The following BEST4 variants were observed in gnomAD, a reference collection of about 807,000 sequenced individuals.
The protein encoded by BEST4 is bestrophin-4.
BEST4 carries 36 observed loss-of-function variants against 47.1 expected under a neutral mutation model. The observed-to-expected ratio is 0.76, with a 90% CI of 0.59 to 1.01. The LOEUF is 1.01. Ranked by LOEUF, BEST4 falls within the 50% of genes least tolerant of loss-of-function variation. The pLI, the probability that BEST4 is intolerant of heterozygous loss-of-function variation, is 0.00. For synonymous variants in BEST4, 250 were observed against 277.8 expected, an observed-to-expected ratio of 0.90 and a Z score of 1.00; for missense variants, 550 against 648.6, an observed-to-expected ratio of 0.85 and a Z score of 1.65.
At position 44,787,812 on chromosome 1, in the gene BEST4, A is replaced by T; in HGVS notation, c.-107T>A. Reference sequence around the variant, plus strand: ...TCTGGTCTCACACACCCCAGCCTTCACCCTGCGTCAGTGGACAAGGGGGTA... The same window carrying T: ...TCTGGTCTCACACACCCCAGCCTTCTCCCTGCGTCAGTGGACAAGGGGGTA... On this transcript the variant is annotated 5_prime_UTR_variant, in exon 1 of 9. Transcript: ENST00000372207. 1 of 1,368,644 alleles carries T rather than the reference A, an allele frequency of 7.3e-7. No individual in the cohort carries two copies. The allele number at this position is 1,368,644 out of a possible 1,614,324, so 84.8% of individuals were successfully genotyped here. A position where few individuals can be genotyped will look rare whatever the true frequency, so the allele number is the denominator to read the frequency against.
chr1:44,786,608 A>G lies in BEST4; in HGVS notation c.336T>C (p.Ala112=). 6.4e-7 allele frequency: 1 copy of G among 1,551,356 alleles called. No homozygotes were observed. Among genetic ancestry groups the G allele is most frequent in the East Asian group, 2.4e-5 (1 of 40,926 alleles). Residue 112 remains alanine, a synonymous_variant, in exon 3 of 9, where the codon GCT becomes GCC. Transcript: ENST00000372207. The surrounding 1 kb of genome is among the most constrained non-coding windows in gnomAD (Gnocchi z 4.9). ...LPDQLMCVIS[A]SVHGVDQRGR... ...CCCGCTGGTCCACGCCGTGCACGCT[A>G]GCCGAGATGACGCACATCAGCTGGT...
upstream of BEST4, among the ~76,000 whole-genome samples, chr1:44,789,295 A>C (rs1651348506): frequency 6.7e-6 from 1 of 148,504 alleles, no homozygotes; most frequent in Non-Finnish European, 1.5e-5. Context: ...AAAAAGAAAT[A>C]GAATCTCAAT....
Position 44,786,487 on chromosome 1 carries a change from TG to T in BEST4, c.456del (p.Thr153ProfsTer22). 1 of 1,537,208 alleles carries T rather than the reference TG, an allele frequency of 6.5e-7. No homozygotes were observed. ...CCTGCGTCCACCACGTGCTCCATGG[TG>T]GGGAAGCGCTTAAGCACGCGGGTGC... ...SVSTRVLKRFPTMEHVVDAGF... is the reference protein window; with the variant it reads ...SVSTRVLKRFXTMEHVVDAGF... On this transcript the variant is annotated frameshift_variant, in exon 3 of 9. Transcript: ENST00000372207. LOFTEE classifies it high-confidence loss of function. The surrounding 1 kb of genome is among the most constrained non-coding windows in gnomAD (Gnocchi z 4.9).
chr1:44,784,759 T>G lies in BEST4; in HGVS notation c.1018A>C (p.Met340Leu). The change falls in exon 8 of 9, where the codon ATG (methionine) becomes CTG (leucine). Residue 340 changes from methionine (M) to leucine (L), a missense_variant. Met to Leu is a conservative substitution (Grantham distance 15). Coordinates refer to ENST00000372207, the MANE Select transcript of BEST4 (RefSeq NM_153274.3). This position sits in a 1 kb window ranked among gnomAD's most constrained non-coding sequence, Gnocchi z 6.2. Reference protein sequence around the residue: ...LQVSLLSVDEMYQNLPPAEKD... With the variant: ...LQVSLLSVDELYQNLPPAEKD... ...TCAGCGGGGGGAAGGTTCTGGTACA[T>G]TTCGTCCACGGATAGCAGGGACACC... The G allele has an allele frequency of 6.3e-7, 1 of 1,597,190 alleles. No homozygotes were observed. Among genetic ancestry groups the G allele is most frequent in the Non-Finnish European group, 8.5e-7 (1 of 1,170,810 alleles).
At chr1:44,788,770 G>T (rs571773631), upstream of BEST4, among the ~76,000 whole-genome samples, 7 of 152,308 alleles carry the variant, frequency 4.6e-5, no homozygotes, top group East Asian at 1.3e-3. Context: ...TTGTACAGGG[G>T]CTTGGGGGCT....
At chr1:44,792,509 G>A (rs1461884855), upstream of BEST4, among the ~76,000 whole-genome samples, 3 of 151,922 alleles carry the variant, frequency 2.0e-5, no homozygotes, top group Non-Finnish European at 2.9e-5. Flanking sequence ...TATTAGGTGA[G>A]TTAATAGTAT....
At chr1:44,785,990 T>G in intron 4 of BEST4, 84 bp downstream of exon 4, 8 of 1,491,994 alleles carry the variant, frequency 5.4e-6, no homozygotes, top group Non-Finnish European at 7.2e-6. Context: ...GCTGATGCCA[T>G]ACAACTGTTA....
downstream of BEST4, among the ~76,000 whole-genome samples, chr1:44,782,669 T>TA (rs1324751282): frequency 7.2e-6 from 1 of 138,054 alleles, no homozygotes; most frequent in Non-Finnish European, 1.6e-5. Context: ...AATAAATAAA[T>TA]AAGAAATATT....
rs1490012105 is a variant in BEST4 at position 44,783,584 on chromosome 1, CTT to C, written c.*624_*625del. 2 of 152,184 alleles carry C rather than the reference CTT, an allele frequency of 1.3e-5. No individual in the cohort carries two copies. Among genetic ancestry groups the C allele is most frequent in the African/African-American group, 2.4e-5 (1 of 41,426 alleles). 9.4% of individuals were successfully genotyped at this position (152,184 alleles called of 1,614,324 possible). A position where few individuals can be genotyped will look rare whatever the true frequency, so the allele number is the denominator to read the frequency against. On this transcript the variant is annotated 3_prime_UTR_variant, in exon 9 of 9. Transcript: ENST00000372207. ...CAATATAAACAAAAACTAAACAACA[CTT>C]AAACAAAAACTTGAATATATTCTCA...
chr1:44,792,738 G>C (rs1416384218), upstream of BEST4, among the ~76,000 whole-genome samples: 1 of 152,046 alleles, frequency 6.6e-6, no homozygotes, highest in African/African-American at 2.4e-5. Flanking sequence ...TGACACTCAA[G>C]AGATTCTGGC....
chr1:44,784,474 G>T lies in BEST4; in HGVS notation c.1158C>A (p.Asp386Glu). ...LGSTFNLRMS[D>E]DPEQSLQVEA... ...CCACCTGCAGGCTCTGCTCAGGGTC[G>T]TCGCTCATGCTGCGGGCGGGAGGGC... The change falls in exon 9 of 9, where the codon GAC (aspartate) becomes GAA (glutamate). Residue 386 changes from aspartate to glutamate, a missense_variant. Asp to Glu is a conservative substitution (Grantham distance 45, BLOSUM62 2). Coordinates refer to ENST00000372207, the MANE Select transcript of BEST4 (RefSeq NM_153274.3). The surrounding 1 kb of genome is among the most constrained non-coding windows in gnomAD (Gnocchi z 6.2). The T allele has an allele frequency of 6.8e-7, 1 of 1,460,950 alleles. No individual in the cohort carries two copies. Among genetic ancestry groups the T allele is most frequent in the Non-Finnish European group, 9.0e-7 (1 of 1,111,672 alleles). 90.5% of individuals were successfully genotyped at this position (1,460,950 alleles called of 1,614,324 possible). A position where few individuals can be genotyped will look rare whatever the true frequency, so the allele number is the denominator to read the frequency against.
rs1274621957 is a variant in BEST4, at chr1:44,787,828, C to CA, written c.-124dup. 8.2e-7 allele frequency: 1 copy of CA among 1,217,252 alleles called. No homozygotes were observed. The highest frequency in any genetic ancestry group is 2.4e-5 in the East Asian group (1 of 40,868). The allele number at this position is 1,217,252 out of a possible 1,614,324, so 75.4% of individuals were successfully genotyped here. On this transcript the variant is annotated 5_prime_UTR_variant, in exon 1 of 9. It removes the in-frame stop codon of an upstream open reading frame in the 5' UTR. Transcript: ENST00000372207. The stretch of plus-strand genomic sequence containing the variant: ...CCAGCCTTCACCCTGCGTCAGTGGA[C>CA]AAGGGGGTAGGAGCCTGCAGAGCAG...
chr1:44,785,500 T>C (rs1651186602), intron 5 of BEST4, 99 bp downstream of exon 5: 1 of 1,310,374 alleles, frequency 7.6e-7, no homozygotes, highest in Admixed American at 2.1e-5. Flanking sequence ...CTCAGGGGAC[T>C]GAAATGGCCA....
upstream of BEST4, among the ~76,000 whole-genome samples, chr1:44,789,638 C>T (rs946164718): frequency 2.0e-5 from 3 of 151,902 alleles, no homozygotes; most frequent in Admixed American, 6.6e-5. Context: ...GTGGAGATTG[C>T]GGTGAGCCGA....
At chr1:44,782,586 G>GGCCATTGC (rs1651072495), downstream of BEST4, among the ~76,000 whole-genome samples, 1 of 151,996 alleles carries the variant, frequency 6.6e-6, no homozygotes, top group Admixed American at 6.6e-5. Context: ...GCCGAGATCA[G>GGCCATTGC]GCCATTGCAC....
intron 5 of BEST4, 102 bp downstream of exon 5, chr1:44,785,497 G>T: frequency 7.8e-7 from 1 of 1,279,210 alleles, no homozygotes; most frequent in Non-Finnish European, 1.1e-6. Flanking sequence ...TGCCTCAGGG[G>T]ACTGAAATGG....
rs1651161039 is a variant in BEST4, at chr1:44,784,801, T to A, written c.994-18A>T. 6.3e-7 allele frequency: 1 copy of A among 1,593,478 alleles called. No homozygotes were observed. On this transcript the variant is annotated intron_variant, in intron 7 of 8. Transcript: ENST00000372207. This position sits in a 1 kb window ranked among gnomAD's most constrained non-coding sequence, Gnocchi z 6.2. ...AGGGACACCTGGGCCACCAGCAAGT[T>A]ACAAGGATCCTCCTCTCCTCTCCTT... is the stretch of plus-strand genomic sequence containing the variant.
At chr1:44,783,014 G>C (rs1016876828), downstream of BEST4, among the ~76,000 whole-genome samples, 3 of 151,666 alleles carry the variant, frequency 2.0e-5, no homozygotes, top group African/African-American at 7.3e-5. Flanking sequence ...GAGTGCAGTA[G>C]AGTGATCTTG....
Position 44,787,574 on chromosome 1 carries a change from A to T in BEST4, c.132T>A (p.Ala44=). ...KEFLLFGALY[A]VLSITYRLLL... ...CTTACCGGTAGGTGATGCTAAGCAC[A>T]GCGTACAAGGCCCCAAAGAGGAGGA... The change falls in exon 1 of 9, where the codon GCT becomes GCA. Residue 44 remains alanine (A), a synonymous_variant. Coordinates refer to ENST00000372207, the MANE Select transcript of BEST4 (RefSeq NM_153274.3). 1 of 1,614,218 alleles carries T rather than the reference A, an allele frequency of 6.2e-7. No homozygotes were observed. Among genetic ancestry groups the T allele is most frequent in the Non-Finnish European group, 8.5e-7 (1 of 1,180,040 alleles).
Sources: allele counts gnomAD v4.1 joint callset (sites outside exome capture counted in the v4.1 genomes callset), GRCh38; gene constraint gnomAD v4.1.1; non-coding constraint Gnocchi (gnomAD v3.1); transcripts MANE v1.5; gene names NCBI Gene and HGNC (gene_info 2026-07-23, HGNC 2026-07-21).